CADM2: variants seen among roughly 807,000 people sequenced by gnomAD.
CADM2 encodes immunoglobulin superfamily member 4D.
In CADM2, 12 loss-of-function variants were observed where a neutral mutation model predicts 49.8. That is an observed-to-expected ratio of 0.24 (90% CI 0.15 to 0.39). The LOEUF is 0.39. Ranked by LOEUF, CADM2 falls within the 10% of genes least tolerant of loss-of-function variation. The pLI is 1.00. For missense variants in CADM2, 378 were observed against 492.3 expected, an observed-to-expected ratio of 0.77 and a Z score of 2.20; for synonymous variants, 214 against 175.4, an observed-to-expected ratio of 1.22 and a Z score of -1.74.
chr3:85,582,767 G>A (rs894052142), intron 1 of CADM2, among the ~76,000 whole-genome samples: 2 of 152,060 alleles, frequency 1.3e-5, no homozygotes, highest in African/African-American at 4.8e-5. Context: ...ACAACAGAAA[G>A]TACTAAAAAT....
chr3:85,651,754 G>C (rs950831620), intron 1 of CADM2, among the ~76,000 whole-genome samples: 1 of 151,460 alleles, frequency 6.6e-6, no homozygotes, highest in Admixed American at 6.6e-5. Context: ...CTACACCCTT[G>C]GTTTACAATA....
intron 1 of CADM2, among the ~76,000 whole-genome samples, chr3:84,963,064 A>G (rs576017395): frequency 1.3e-5 from 2 of 152,322 alleles, no homozygotes; most frequent in Non-Finnish European, 2.9e-5. Context: ...AATAATAGAT[A>G]GGGAATAAAC....
At chr3:85,962,680 A>G (rs1251393389) in intron 8 of CADM2, among the ~76,000 whole-genome samples, 1 of 151,940 alleles carries the variant, frequency 6.6e-6, no homozygotes, top group Non-Finnish European at 1.5e-5. Context: ...TTACTACAGT[A>G]CTTCCCAGAC....
intron 1 of CADM2, among the ~76,000 whole-genome samples, chr3:85,466,507 A>G (rs538499739): frequency 2.0e-5 from 3 of 152,282 alleles, no homozygotes; most frequent in African/African-American, 4.8e-5. Context: ...ATTTTTGTCC[A>G]TATCTGGTAG....
At chr3:85,696,749 T>C (rs935737458) in intron 1 of CADM2, among the ~76,000 whole-genome samples, 2 of 151,952 alleles carry the variant, frequency 1.3e-5, no homozygotes, top group African/African-American at 2.4e-5. Context: ...AATAATAGGC[T>C]TGGTATCTAC....
intron 1 of CADM2, among the ~76,000 whole-genome samples, chr3:85,557,807 C>G (rs2061998598): frequency 6.6e-6 from 1 of 152,002 alleles, no homozygotes; most frequent in South Asian, 2.1e-4. Context: ...GAGTCCAGTT[C>G]TGATCCTGTG....
At chr3:85,659,532 G>A (rs1441246724) in intron 1 of CADM2, among the ~76,000 whole-genome samples, 1 of 151,920 alleles carries the variant, frequency 6.6e-6, no homozygotes, top group Non-Finnish European at 1.5e-5. Context: ...AAAATACAAG[G>A]GGGAACATTG....
intron 1 of CADM2, among the ~76,000 whole-genome samples, chr3:85,590,747 A>G (rs1279514210): frequency 6.6e-6 from 1 of 151,976 alleles, no homozygotes; most frequent in Admixed American, 6.6e-5. Flanking sequence ...ACTCTATGAA[A>G]TATAAATTAG....
chr3:85,171,056 A>G (rs967510118), intron 1 of CADM2, among the ~76,000 whole-genome samples: 7 of 152,222 alleles, frequency 4.6e-5, no homozygotes, highest in Non-Finnish European at 8.8e-5. Flanking sequence ...TTGATCCCTG[A>G]AACAAATGTT....
At position 85,491,060 on chromosome 3, in the gene CADM2, A is replaced by C. The variant is rs1026991707; in HGVS notation, c.62-235462A>C. 1.7e-4 allele frequency among the ~76,000 whole-genome samples: 26 copies of C among 152,224 alleles called. 1 individual carries two copies. Among genetic ancestry groups the C allele is most frequent in the African/African-American group, 6.3e-4 (26 of 41,462 alleles). ...ATTATCATTTGTCATGTTAAGTCAAAGCACTTTCTCCAGACCTTAAAGGTC... is the reference window on the plus strand; with the variant it reads ...ATTATCATTTGTCATGTTAAGTCAACGCACTTTCTCCAGACCTTAAAGGTC... On this transcript the variant is annotated intron_variant, in intron 1 of 9. Transcript: ENST00000383699.
chr3:85,068,755 TTTA>T (rs761893766), intron 1 of CADM2, among the ~76,000 whole-genome samples: 38 of 151,744 alleles, frequency 2.5e-4, no homozygotes, highest in Non-Finnish European at 5.1e-4. Flanking sequence ...TTTGTTTTAT[TTTA>T]TTTTTACATT....
intron 1 of CADM2, among the ~76,000 whole-genome samples, chr3:85,491,694 G>A (rs1369803514): frequency 2.0e-5 from 3 of 152,088 alleles, no homozygotes; most frequent in South Asian, 2.1e-4. Context: ...GCTCACACCT[G>A]TAATCCCAGC....
chr3:85,561,498 C>T (rs1208223036), intron 1 of CADM2, among the ~76,000 whole-genome samples: 1 of 152,090 alleles, frequency 6.6e-6, no homozygotes, highest in Admixed American at 6.6e-5. Context: ...TAGAGACTCC[C>T]CGCTTTTTAA....
chr3:85,245,520 A>G (rs543763290), intron 1 of CADM2, among the ~76,000 whole-genome samples: 1 of 151,508 alleles, frequency 6.6e-6, no homozygotes, highest in South Asian at 2.1e-4. Context: ...CAAAAAAAAA[A>G]AAGATAATAA....
chr3:85,637,606 C>G (rs1223287457), intron 1 of CADM2, among the ~76,000 whole-genome samples: 1 of 17,132 alleles, frequency 5.8e-5, no homozygotes, highest in South Asian at 2.2e-3. Context: ...GAGACTCCGT[C>G]TCAAAAAAAA....
At chr3:85,255,454 G>C (rs1479588568) in intron 1 of CADM2, among the ~76,000 whole-genome samples, 1 of 152,000 alleles carries the variant, frequency 6.6e-6, no homozygotes, top group Non-Finnish European at 1.5e-5. Flanking sequence ...GAATGACAAA[G>C]CCATACATGA....
intron 1 of CADM2, among the ~76,000 whole-genome samples, chr3:85,183,771 C>A (rs1033415651): frequency 6.6e-6 from 1 of 151,970 alleles, no homozygotes; most frequent in Non-Finnish European, 1.5e-5. Context: ...TAATGCAAGG[C>A]GAATTTGTAG....
At chr3:86,013,346 A>T in intron 8 of CADM2, 1 of 1,540,622 alleles carries the variant, frequency 6.5e-7, no homozygotes, top group Non-Finnish European at 8.9e-7. Flanking sequence ...TAAAATCTCT[A>T]TTTGAATTAT....
intron 1 of CADM2, among the ~76,000 whole-genome samples, chr3:85,419,405 C>T (rs1451610547): frequency 1.3e-5 from 2 of 151,284 alleles, no homozygotes; most frequent in Non-Finnish European, 2.9e-5. Flanking sequence ...TTGCAGTGAG[C>T]GGAGATCGCG....
Sources: allele counts gnomAD v4.1 joint callset (sites outside exome capture counted in the v4.1 genomes callset), GRCh38; gene constraint gnomAD v4.1.1; transcripts MANE v1.5; gene names NCBI Gene and HGNC (gene_info 2026-07-23, HGNC 2026-07-21).